SUGCT: variants seen among roughly 807,000 people sequenced by gnomAD.
SUGCT encodes the protein succinyl-CoA:glutarate-CoA transferase.
A neutral mutation model predicts 55.0 loss-of-function variants in SUGCT; 41 were observed. The ratio of observed to expected loss-of-function variants is 0.74; its 90% CI spans 0.58 to 0.97. The LOEUF (loss-of-function observed/expected upper bound fraction) is 0.97, where lower values mean the gene tolerates loss of function less well. Ranked by LOEUF, SUGCT falls within the 50% of genes least tolerant of loss-of-function variation. The pLI, the probability that SUGCT is intolerant of heterozygous loss-of-function variation, is 0.00. For synonymous variants in SUGCT, 187 were observed against 200.4 expected (o/e 0.93, Z 0.56); for missense variants, 568 against 547.8 (o/e 1.04, Z -0.37).
chr7:40,748,635 T>C (rs1787859705), intron 12 of SUGCT, among the ~76,000 whole-genome samples: 1 of 151,708 alleles, frequency 6.6e-6, no homozygotes, highest in South Asian at 2.1e-4. Flanking sequence ...GTCTTTGAAA[T>C]AAATTAATTT....
intron 9 of SUGCT, among the ~76,000 whole-genome samples, chr7:40,338,545 G>A (rs1303352923): frequency 6.6e-6 from 1 of 152,140 alleles, no homozygotes; most frequent in East Asian, 1.9e-4. Flanking sequence ...CGAATCGGCT[G>A]CTGAAGCTTG....
the SUGCT span, among the ~76,000 whole-genome samples, chr7:41,028,826 A>G: frequency 1.9e-4 from 29 of 152,150 alleles, no homozygotes; most frequent in Non-Finnish European, 3.4e-4. Context: ...ACTATAGTGC[A>G]TGCTATTTCA....
intron 13 of SUGCT, among the ~76,000 whole-genome samples, chr7:40,823,844 T>A (rs1235230235): frequency 2.0e-5 from 3 of 152,200 alleles, no homozygotes; most frequent in Admixed American, 2.0e-4. Flanking sequence ...TCACTCCTAG[T>A]CCCACGAAAT....
intron 13 of SUGCT, among the ~76,000 whole-genome samples, chr7:40,817,537 CA>C (rs1179294408): frequency 1.6e-4 from 25 of 152,134 alleles, no homozygotes; most frequent in Admixed American, 1.6e-3. Flanking sequence ...GGAAGGAATA[CA>C]AGACAAAGAG....
At chr7:40,864,732 G>A (rs1347106779), downstream of SUGCT, among the ~76,000 whole-genome samples, 1 of 133,896 alleles carries the variant, frequency 7.5e-6, no homozygotes, top group Non-Finnish European at 1.5e-5. Context: ...GAAAGGGAAA[G>A]AGAGAGCACA....
At chr7:40,967,102 G>A in the SUGCT span, 1 of 152,164 alleles carries the variant, frequency 6.6e-6, no homozygotes, top group Non-Finnish European at 1.5e-5. Context: ...GCACAACTTA[G>A]GTGTTTCTCA....
intron 12 of SUGCT, among the ~76,000 whole-genome samples, chr7:40,576,729 T>C (rs1796788449): frequency 6.6e-6 from 1 of 152,228 alleles, no homozygotes; most frequent in South Asian, 2.1e-4. Flanking sequence ...TCATCTGAAC[T>C]CTTTCATCAA....
At chr7:40,866,727 C>G in the SUGCT span, among the ~76,000 whole-genome samples, 1 of 151,920 alleles carries the variant, frequency 6.6e-6, no homozygotes, top group East Asian at 1.9e-4. Flanking sequence ...GTCTCATTCT[C>G]TAGCTTTACT....
intron 13 of SUGCT, among the ~76,000 whole-genome samples, chr7:40,805,228 A>G (rs546808091): frequency 2.6e-5 from 4 of 152,280 alleles, no homozygotes; most frequent in Admixed American, 6.5e-5. Flanking sequence ...GAATCCAACC[A>G]TTGAGCTGGG....
At chr7:40,410,815 T>G (rs1283360620) in intron 9 of SUGCT, among the ~76,000 whole-genome samples, 4 of 152,328 alleles carry the variant, frequency 2.6e-5, no homozygotes, top group Non-Finnish European at 4.4e-5. Context: ...AGCTGTAATT[T>G]TATTCCATAC....
At chr7:40,314,171 C>A (rs1302413827) in intron 8 of SUGCT, among the ~76,000 whole-genome samples, 1 of 152,126 alleles carries the variant, frequency 6.6e-6, no homozygotes. Context: ...TGATATCCAG[C>A]CAGGAATCCA....
At chr7:40,224,585 T>C (rs1788223650) in intron 6 of SUGCT, among the ~76,000 whole-genome samples, 1 of 152,148 alleles carries the variant, frequency 6.6e-6, no homozygotes, top group Non-Finnish European at 1.5e-5. Flanking sequence ...CAGTGTATGT[T>C]GTAGGCAAGA....
At chr7:41,029,374 T>G in the SUGCT span, among the ~76,000 whole-genome samples, 3 of 152,178 alleles carry the variant, frequency 2.0e-5, no homozygotes, top group Non-Finnish European at 4.4e-5. Context: ...CCCCAGATTC[T>G]GCATGTAACT....
intron 12 of SUGCT, among the ~76,000 whole-genome samples, chr7:40,664,794 C>G (rs1801519822): frequency 6.6e-6 from 1 of 151,788 alleles, no homozygotes; most frequent in Non-Finnish European, 1.5e-5. Context: ...TCCTGGCTAA[C>G]ACGGTGAAAC....
intron 9 of SUGCT, among the ~76,000 whole-genome samples, chr7:40,444,632 A>T (rs991605197): frequency 2.0e-5 from 3 of 152,120 alleles, no homozygotes; most frequent in Admixed American, 2.0e-4. Flanking sequence ...GGCTGAGACG[A>T]TGGGGTTTTC....
At chr7:40,772,609 A>ATCTATCTATCTATCTT (rs1318965214) in intron 13 of SUGCT, among the ~76,000 whole-genome samples, 5 of 149,574 alleles carry the variant, frequency 3.3e-5, no homozygotes, top group African/African-American at 1.2e-4. Flanking sequence ...CTATCTATCT[A>ATCTATCTATCTATCTT]TCTATCTATC....
chr7:40,179,098 G>A (rs753662132), intron 1 of SUGCT, among the ~76,000 whole-genome samples: 4 of 152,132 alleles, frequency 2.6e-5, no homozygotes, highest in African/African-American at 4.8e-5. Context: ...TTAGTAGGAA[G>A]CCATAGAGGA....
intron 12 of SUGCT, among the ~76,000 whole-genome samples, chr7:40,654,984 C>T (rs1165654696): frequency 6.6e-6 from 1 of 152,160 alleles, no homozygotes; most frequent in Non-Finnish European, 1.5e-5. Flanking sequence ...ATTAAAACAA[C>T]CAATGCCTTG....
intron 6 of SUGCT, among the ~76,000 whole-genome samples, chr7:40,234,927 A>G (rs13243196): frequency 1.3e-5 from 2 of 152,164 alleles, no homozygotes; most frequent in African/African-American, 4.8e-5. Context: ...GAAAAAAGAA[A>G]AAAAAAAGAA....
Sources: gnomAD v4.1 joint callset for allele counts (sites outside exome capture counted in the v4.1 genomes callset) on GRCh38, gnomAD v4.1.1 for gene constraint, MANE v1.5 for transcripts, NCBI Gene and HGNC (gene_info 2026-07-23, HGNC 2026-07-21) for gene names.